Variants in PAPPA observed in about 807,000 individuals in gnomAD.
The protein encoded by PAPPA is pappalysin-1.
PAPPA carries 60 observed loss-of-function variants against 164.0 expected under a neutral mutation model. The ratio of observed to expected loss-of-function variants is 0.37; its 90% CI spans 0.30 to 0.45. PAPPA has a LOEUF of 0.45. Among genes scored for constraint, PAPPA ranks in the 20% least tolerant of loss-of-function variants. The pLI, the probability that PAPPA is intolerant of heterozygous loss-of-function variation, is 1.00. For missense variants in PAPPA, 1,782 were observed against 2,087.3 expected, an observed-to-expected ratio of 0.85 and a Z score of 2.85; for synonymous variants, 875 against 814.1, an observed-to-expected ratio of 1.07 and a Z score of -1.27.
At chr9:116,375,868 T>A (rs1846643551) in intron 19 of PAPPA, among the ~76,000 whole-genome samples, 1 of 152,216 alleles carries the variant, frequency 6.6e-6, no homozygotes, top group Admixed American at 6.6e-5. Context: ...TCTGATCATG[T>A]GGACTTCCAT....
intron 1 of PAPPA, among the ~76,000 whole-genome samples, chr9:116,155,698 T>G (rs1204415113): frequency 6.6e-6 from 1 of 152,204 alleles, no homozygotes; most frequent in East Asian, 1.9e-4. Context: ...GCAGTTCTGC[T>G]TCTTCCTGTC....
chr9:116,289,164 TATATATATAGCATATATGTAGC>T, intron 9 of PAPPA, among the ~76,000 whole-genome samples: 1 of 33,740 alleles, frequency 3.0e-5, no homozygotes, highest in Non-Finnish European at 5.9e-5. Flanking sequence ...ATATATAGCA[TATATATATAGCATATATGTAGC>T]ATATATATAG....
intron 9 of PAPPA, among the ~76,000 whole-genome samples, chr9:116,298,787 G>A (rs1845542537): frequency 6.6e-6 from 1 of 152,144 alleles, no homozygotes; most frequent in Non-Finnish European, 1.5e-5. Context: ...AATTTTCTTA[G>A]TATCCCTCAC....
intron 6 of PAPPA, among the ~76,000 whole-genome samples, chr9:116,233,604 A>C (rs977216358): frequency 1.5e-4 from 23 of 152,028 alleles, no homozygotes; most frequent in African/African-American, 5.3e-4. Context: ...GCCTCTGTGT[A>C]TTTTCTCACC....
At chr9:116,171,344 C>G (rs764377874) in intron 1 of PAPPA, among the ~76,000 whole-genome samples, 1 of 152,136 alleles carries the variant, frequency 6.6e-6, no homozygotes, top group East Asian at 1.9e-4. Flanking sequence ...GTTTCCAAAG[C>G]ATTTTCGACA....
At chr9:116,330,836 C>G (rs754188189) in intron 10 of PAPPA, among the ~76,000 whole-genome samples, 1 of 152,096 alleles carries the variant, frequency 6.6e-6, no homozygotes, top group African/African-American at 2.4e-5. Context: ...CAGTAGTAAC[C>G]ATTTGATCAC....
chr9:116,264,701 A>G (rs923860289), intron 7 of PAPPA, among the ~76,000 whole-genome samples: 1 of 152,148 alleles, frequency 6.6e-6, no homozygotes, highest in African/African-American at 2.4e-5. Context: ...TCTGACAGGA[A>G]TTCTCTTCAT....
Position 116,358,638 on chromosome 9 carries a change from G to A in PAPPA, c.4348-3954G>A, listed in dbSNP as rs555819218. Among the ~76,000 whole-genome samples, 12 of 152,256 alleles carry A rather than the reference G, an allele frequency of 7.9e-5. No individual in the cohort carries two copies. The East Asian group carries it at 1.7e-3, about 22-fold the overall frequency. On this transcript the variant is annotated intron_variant, in intron 17 of 21. Transcript: ENST00000328252. Reference sequence around the variant, plus strand: ...CTCACTGCCTGGTTTTGTCTTGCTCGGATGCCACTACATTTCTTTCCGCTA... The same window carrying A: ...CTCACTGCCTGGTTTTGTCTTGCTCAGATGCCACTACATTTCTTTCCGCTA...
chr9:116,250,255 G>A (rs1210908432), intron 7 of PAPPA, among the ~76,000 whole-genome samples: 1 of 152,156 alleles, frequency 6.6e-6, no homozygotes, highest in Admixed American at 6.5e-5. Context: ...ATACAAGCCA[G>A]ACACAACCTC....
chr9:116,287,574 A>G (rs1359857992), intron 9 of PAPPA: 1 of 152,236 alleles, frequency 6.6e-6, no homozygotes, highest in Non-Finnish European at 1.5e-5. Context: ...CACCTTGTCA[A>G]TCATCATCAA....
chr9:116,373,732 C>T (rs1428207246), intron 19 of PAPPA: 2 of 152,124 alleles, frequency 1.3e-5, no homozygotes, highest in South Asian at 2.1e-4. Context: ...ATACTTACAG[C>T]TTCAGGGGAT....
Position 116,313,036 on chromosome 9 carries a change from T to C in PAPPA, c.3147+10086T>C, listed in dbSNP as rs531152487. 8.9e-4 allele frequency among the ~76,000 whole-genome samples: 131 copies of C among 146,800 alleles called. 1 individual carries two copies. Among genetic ancestry groups the C allele is most frequent in the Non-Finnish European group, 1.7e-3 (113 of 67,178 alleles). The stretch of plus-strand genomic sequence containing the variant: ...AGGCAGAGCTTGCAGTGAGCGGAGA[T>C]TGGGCCACTGCACACCAGCCTAGGT... On this transcript the variant is annotated intron_variant, in intron 10 of 21. Transcript: ENST00000328252.
At position 116,401,840 on chromosome 9, in the gene PAPPA, C is replaced by A. The variant is rs1355696111; in HGVS notation, c.*5224C>A. The A allele has an allele frequency of 7.0e-6, 1 of 142,718 alleles. No homozygotes were observed. The highest frequency in any genetic ancestry group is 2.2e-4 in the East Asian group (1 of 4,610). 8.8% of individuals were successfully genotyped at this position (142,718 alleles called of 1,614,324 possible). On this transcript the variant is annotated 3_prime_UTR_variant, in exon 22 of 22. Transcript: ENST00000328252. ...GCTGTTCTCATAAGAATTCTTCTGGCCTATTGTAAAAAAGAAAAAAAAAAA... is the reference window on the plus strand; with the variant it reads ...GCTGTTCTCATAAGAATTCTTCTGGACTATTGTAAAAAAGAAAAAAAAAAA...
intron 9 of PAPPA, among the ~76,000 whole-genome samples, chr9:116,296,067 A>G (rs1306029665): frequency 6.6e-6 from 1 of 152,240 alleles, no homozygotes; most frequent in Non-Finnish European, 1.5e-5. Context: ...GAAATAATCA[A>G]AAATGAATTA....
intron 21 of PAPPA, 61 bp from the exon 22 acceptor site, chr9:116,396,448 C>T: frequency 1.3e-6 from 1 of 776,512 alleles, no homozygotes; most frequent in South Asian, 1.4e-5. Flanking sequence ...CTGCGCTGCA[C>T]TGCCTTTCTG....
At position 116,153,971 on chromosome 9, in the gene PAPPA, G is replaced by A; in HGVS notation, c.-202G>A. 2 of 457,846 alleles carry A rather than the reference G, an allele frequency of 4.4e-6. No homozygotes were observed. Among genetic ancestry groups the A allele is most frequent in the Non-Finnish European group, 6.2e-6 (2 of 321,480 alleles). The allele number at this position is 457,846 out of a possible 1,614,324, so 28.4% of individuals were successfully genotyped here. A position where few individuals can be genotyped will look rare whatever the true frequency, so the allele number is the denominator to read the frequency against. On this transcript the variant is annotated 5_prime_UTR_variant, in exon 1 of 22. Transcript: ENST00000328252. ...AATTAATTGCCAACCAGGAGGAGTT[G>A]GGCTGTATTTTTCAAAGGTGGGGAG...
At chr9:116,270,008 T>C (rs1587980363) in intron 8 of PAPPA, among the ~76,000 whole-genome samples, 1 of 152,296 alleles carries the variant, frequency 6.6e-6, no homozygotes, top group Middle Eastern at 3.4e-3. Flanking sequence ...CTCTGACACC[T>C]CTTAAAAGCA....
At chr9:116,182,975 C>A (rs932458126) in intron 1 of PAPPA, among the ~76,000 whole-genome samples, 1 of 152,126 alleles carries the variant, frequency 6.6e-6, no homozygotes, top group African/African-American at 2.4e-5. Context: ...AGCATTGAGA[C>A]AGACATACGC....
At chr9:116,178,357 C>T (rs1374752518) in intron 1 of PAPPA, among the ~76,000 whole-genome samples, 4 of 152,150 alleles carry the variant, frequency 2.6e-5, no homozygotes, top group African/African-American at 7.2e-5. Flanking sequence ...ATCTGCCCAC[C>T]TCAGCCTCCC....
Sources: gnomAD v4.1 joint callset for allele counts (sites outside exome capture counted in the v4.1 genomes callset) on GRCh38, gnomAD v4.1.1 for gene constraint, MANE v1.5 for transcripts, NCBI Gene and HGNC (gene_info 2026-07-23, HGNC 2026-07-21) for gene names.